NAA35: variants seen among roughly 807,000 people sequenced by gnomAD.
NAA35 encodes MAK10 homolog, amino-acid N-acetyltransferase subunit.
Under a neutral mutation model 101.7 loss-of-function variants are expected in NAA35, and 18 were observed. The observed-to-expected ratio is 0.18, with a 90% CI of 0.12 to 0.26. NAA35 has a LOEUF of 0.26. Ranked by LOEUF, NAA35 falls within the 10% of genes least tolerant of loss-of-function variation. The pLI, the probability that NAA35 is intolerant of heterozygous loss-of-function variation, is 1.00. For synonymous variants in NAA35, 267 were observed against 273.1 expected, an observed-to-expected ratio of 0.98 and a Z score of 0.22; for missense variants, 601 against 886.8, an observed-to-expected ratio of 0.68 and a Z score of 4.09.
Position 85,973,412 on chromosome 9 carries a change from T to G in NAA35, c.517-1555T>G, listed in dbSNP as rs973104296. The stretch of plus-strand genomic sequence containing the variant: ...ACTAGTGTGGTAGGTGGGGGAGTTG[T>G]CTGGAGGTGGTTACAAGAGTGAGCA... On this transcript the variant is annotated intron_variant, in intron 6 of 22. Coordinates refer to ENST00000361671, the MANE Select transcript of NAA35 (RefSeq NM_024635.4). 2.0e-5 allele frequency among the ~76,000 whole-genome samples: 3 copies of G among 152,288 alleles called. 1 individual carries two copies. In the Middle Eastern group the frequency reaches 0.01, roughly 518 times the overall value.
In NAA35 at chr9:86,024,965, T is replaced by C. The variant is rs1176382341; in HGVS notation, c.*3005T>C. The stretch of plus-strand genomic sequence containing the variant: ...GAATAGACTTGGGAGGGCCAGGGAA[T>C]GGGGAGGCCACTGAGGTGGTGGGAC... On this transcript the variant is annotated 3_prime_UTR_variant, in exon 23 of 23. Transcript: ENST00000361671. Among the ~76,000 whole-genome samples, 1 of 151,942 alleles carries C rather than the reference T, an allele frequency of 6.6e-6. No homozygotes were observed. The highest frequency in any genetic ancestry group is 1.5e-5 in the Non-Finnish European group (1 of 67,980).
intron 5 of NAA35, among the ~76,000 whole-genome samples, chr9:85,960,734 T>C (rs1337342706): frequency 2.0e-5 from 3 of 152,200 alleles, no homozygotes; most frequent in Non-Finnish European, 4.4e-5. Flanking sequence ...GGAACAGACA[T>C]GTGAATAAAC....
chr9:85,999,062 A>G (rs952501460), intron 12 of NAA35, among the ~76,000 whole-genome samples: 1 of 152,214 alleles, frequency 6.6e-6, no homozygotes, highest in Admixed American at 6.5e-5. Context: ...ATTCCTTAGT[A>G]AAACTTTCAC....
rs555670275 is a variant in NAA35 at position 86,016,455 on chromosome 9, TG to T, written c.1569-83del. The T allele has an allele frequency of 3.2e-4, 384 of 1,190,270 alleles. 7 individuals carry two copies. The South Asian group carries it at 5.1e-3, about 16-fold the overall frequency. The allele number at this position is 1,190,270 out of a possible 1,614,324, so 73.7% of individuals were successfully genotyped here. A position where few individuals can be genotyped will look rare whatever the true frequency, so the allele number is the denominator to read the frequency against. On this transcript the variant is annotated intron_variant, in intron 17 of 22. Coordinates refer to ENST00000361671, the MANE Select transcript of NAA35 (RefSeq NM_024635.4). Reference sequence around the variant, plus strand: ...GTTTTTAAAGACCTAAAGCATTATTTGAAATATCTATCGTTAATATATGTGT... The same window carrying T: ...GTTTTTAAAGACCTAAAGCATTATTTAAATATCTATCGTTAATATATGTGT...
At chr9:85,965,213 C>T (rs929499207) in intron 6 of NAA35, among the ~76,000 whole-genome samples, 1 of 152,192 alleles carries the variant, frequency 6.6e-6, no homozygotes, top group Non-Finnish European at 1.5e-5. Context: ...TGTATTTGTA[C>T]ACAAAGACCT....
chr9:86,017,668 C>A, intron 19 of NAA35, 103 bp downstream of exon 19: 2 of 913,798 alleles, frequency 2.2e-6, no homozygotes, highest in South Asian at 1.8e-5. Context: ...ATAATTTCAC[C>A]TTTGTTTTAC....
At chr9:85,975,867 C>T (rs1830188502) in intron 8 of NAA35, among the ~76,000 whole-genome samples, 1 of 152,096 alleles carries the variant, frequency 6.6e-6, no homozygotes, top group Non-Finnish European at 1.5e-5. Context: ...TAGGTGAGCT[C>T]AGTAAGTGGT....
Position 85,978,259 on chromosome 9 carries a change from T to C in NAA35, c.763-8T>C. ...ATGTAAGAATGTTTTTGGTGATTTA[T>C]TTGCTAGACCAGTGCTGTTGCAGAA... On this transcript the variant is annotated splice_polypyrimidine_tract_variant and splice_region_variant and intron_variant, in intron 10 of 22. Transcript: ENST00000361671. 6.5e-7 allele frequency: 1 copy of C among 1,548,898 alleles called. No individual in the cohort carries two copies. Among genetic ancestry groups the C allele is most frequent in the Non-Finnish European group, 8.9e-7 (1 of 1,121,424 alleles).
chr9:85,990,201 A>G (rs1331361982), intron 11 of NAA35, among the ~76,000 whole-genome samples: 2 of 152,232 alleles, frequency 1.3e-5, no homozygotes, highest in African/African-American at 2.4e-5. Flanking sequence ...CCTTTTAACA[A>G]TACACTATCA....
chr9:86,017,273 ATTACT>A (rs1339544259), intron 18 of NAA35, among the ~76,000 whole-genome samples: 2 of 152,246 alleles, frequency 1.3e-5, no homozygotes, highest in African/African-American at 2.4e-5. Context: ...AAAAGTTATA[ATTACT>A]TTATACTGGA....
rs905969354 is a variant in NAA35 at position 85,942,049 on chromosome 9, GAGTTT to G, written c.-5-101_-5-97del. 3.5e-5 allele frequency: 52 copies of G among 1,482,698 alleles called. No homozygotes were observed. The East Asian group carries it at 4.6e-4, about 13-fold the overall frequency. 91.8% of individuals were successfully genotyped at this position (1,482,698 alleles called of 1,614,324 possible). A position where few individuals can be genotyped will look rare whatever the true frequency, so the allele number is the denominator to read the frequency against. ...AGACTCAGAAGAGTTCTGCTTTAAA[GAGTTT>G]AGTTAAGACTTCATCCTATGCTGAA... On this transcript the variant is annotated intron_variant, in intron 1 of 22. Coordinates refer to ENST00000361671, the MANE Select transcript of NAA35 (RefSeq NM_024635.4).
At chr9:86,012,000 TA>T (rs1025636006) in intron 15 of NAA35, among the ~76,000 whole-genome samples, 7 of 144,042 alleles carry the variant, frequency 4.9e-5, no homozygotes, top group African/African-American at 1.8e-4. Flanking sequence ...TATATAATAA[TA>T]TATAATGGAA....
chr9:86,015,805 A>C (rs932536479), intron 17 of NAA35: 18 of 978,434 alleles, frequency 1.8e-5, no homozygotes, highest in Non-Finnish European at 2.2e-5. Context: ...AAGGTAGAAG[A>C]CATCATCAGT....
At chr9:85,960,573 T>G (rs1829471331) in intron 5 of NAA35, among the ~76,000 whole-genome samples, 1 of 152,222 alleles carries the variant, frequency 6.6e-6, no homozygotes, top group Admixed American at 6.5e-5. Flanking sequence ...TGCCTGTGAT[T>G]ACATTGCTTG....
At chr9:85,996,608 CT>C in intron 12 of NAA35, 31 bp downstream of exon 12, 2 of 1,466,574 alleles carry the variant, frequency 1.4e-6, no homozygotes, top group Non-Finnish European at 1.8e-6. Flanking sequence ...CAGAATGTAA[CT>C]TCCATTTAAA....
intron 15 of NAA35, among the ~76,000 whole-genome samples, chr9:86,012,414 T>C (rs559744631): frequency 2.0e-5 from 3 of 152,270 alleles, no homozygotes; most frequent in Admixed American, 1.3e-4. Flanking sequence ...GACCCAACTT[T>C]CCACTCTCTA....
chr9:85,974,930 T>G (rs562979901), intron 6 of NAA35, 37 bp from the exon 7 acceptor site: 1 of 1,462,122 alleles, frequency 6.8e-7, no homozygotes, highest in East Asian at 2.3e-5. Context: ...TAAGGTTTTT[T>G]GCTATTCATG....
intron 11 of NAA35, among the ~76,000 whole-genome samples, chr9:85,991,898 G>C (rs1243166380): frequency 6.6e-6 from 1 of 152,126 alleles, no homozygotes; most frequent in Non-Finnish European, 1.5e-5. Context: ...GGATGGGCCG[G>C]GCGTGGTGGC....
At chr9:85,979,680 G>A (rs776122777) in intron 11 of NAA35, among the ~76,000 whole-genome samples, 5 of 152,138 alleles carry the variant, frequency 3.3e-5, no homozygotes, top group African/African-American at 7.2e-5. Flanking sequence ...CCAGGCAGGC[G>A]TTAGATATTC....
Sources: gnomAD v4.1 joint callset for allele counts (sites outside exome capture counted in the v4.1 genomes callset) on GRCh38, gnomAD v4.1.1 for gene constraint, MANE v1.5 for transcripts, NCBI Gene and HGNC (gene_info 2026-07-23, HGNC 2026-07-21) for gene names.